Variants in ARID1B observed in about 807,000 individuals in gnomAD.
The protein encoded by ARID1B is AT-rich interactive domain-containing protein 1B.
A neutral mutation model predicts 212.3 loss-of-function variants in ARID1B; 30 were observed. The ratio of observed to expected loss-of-function variants is 0.14; its 90% CI spans 0.11 to 0.19. The LOEUF (loss-of-function observed/expected upper bound fraction) is 0.19, where lower values mean the gene tolerates loss of function less well. ARID1B is among the 10% of genes least tolerant of loss of function. The pLI, the probability that ARID1B is intolerant of heterozygous loss-of-function variation, is 1.00. For synonymous variants in ARID1B, 1,402 were observed against 1,301.7 expected, an observed-to-expected ratio of 1.08 and a Z score of -1.66; for missense variants, 2,891 against 3,204.0, an observed-to-expected ratio of 0.90 and a Z score of 2.36.
intron 7 of ARID1B, among the ~76,000 whole-genome samples, chr6:157,138,339 G>T (rs984375668): frequency 9.2e-5 from 14 of 152,188 alleles, no homozygotes; most frequent in African/African-American, 3.1e-4. Context: ...GGGCTAAAGG[G>T]ATTCTCCCAC....
At chr6:156,983,988 C>T (rs1403669359) in intron 4 of ARID1B, among the ~76,000 whole-genome samples, 4 of 152,014 alleles carry the variant, frequency 2.6e-5, no homozygotes, top group African/African-American at 4.8e-5. Flanking sequence ...CTATTGTTTC[C>T]GTTTACAAAT....
intron 4 of ARID1B, among the ~76,000 whole-genome samples, chr6:157,028,607 T>G (rs1276953105): frequency 6.6e-6 from 1 of 152,252 alleles, no homozygotes; most frequent in East Asian, 1.9e-4. Context: ...TGATAAACGC[T>G]GGAAGTATGG....
intron 3 of ARID1B, among the ~76,000 whole-genome samples, chr6:156,902,392 C>T (rs1320053862): frequency 1.3e-5 from 2 of 152,128 alleles, no homozygotes; most frequent in East Asian, 1.9e-4. Context: ...CATGTAGCAT[C>T]GACTTTTTCC....
At chr6:156,954,661 T>A (rs1793829800) in intron 4 of ARID1B, among the ~76,000 whole-genome samples, 1 of 152,192 alleles carries the variant, frequency 6.6e-6, no homozygotes, top group Admixed American at 6.5e-5. Context: ...CGAACTGTTT[T>A]TTTTGTTTGT....
intron 4 of ARID1B, among the ~76,000 whole-genome samples, chr6:156,993,852 C>T (rs1778418902): frequency 6.6e-6 from 1 of 152,116 alleles, no homozygotes; most frequent in Non-Finnish European, 1.5e-5. Context: ...TTATAAAAAT[C>T]AAATGGAAAT....
chr6:157,202,682 ATATC>A (rs1269461867), intron 18 of ARID1B, among the ~76,000 whole-genome samples: 1 of 151,430 alleles, frequency 6.6e-6, no homozygotes, highest in Non-Finnish European at 1.5e-5. Context: ...TCCTTTATAT[ATATC>A]TATCCATTTA....
intron 4 of ARID1B, among the ~76,000 whole-genome samples, chr6:156,968,890 G>A (rs1259884643): frequency 6.6e-6 from 1 of 152,256 alleles, no homozygotes; most frequent in Non-Finnish European, 1.5e-5. Context: ...CTGGCTTGAG[G>A]TTGTGTGCTA....
rs777781316 is a variant in ARID1B at position 156,778,011 on chromosome 6, G to T, written c.331G>T (p.Gly111Cys). 1 of 1,533,100 alleles carries T rather than the reference G, an allele frequency of 6.5e-7. No homozygotes were observed. The highest frequency in any genetic ancestry group is 2.5e-5 in the East Asian group (1 of 40,716). The allele number at this position is 1,533,100 out of a possible 1,614,324, so 95.0% of individuals were successfully genotyped here. A position where few individuals can be genotyped will look rare whatever the true frequency, so the allele number is the denominator to read the frequency against. The change falls in exon 1 of 20, where the codon GGT becomes TGT. Residue 111 changes from glycine to cysteine, a missense_variant. Gly to Cys is a radical substitution (Grantham distance 159). Coordinates refer to ENST00000636930, the MANE Select transcript of ARID1B (RefSeq NM_001374828.1). ...CGGCTCCGAGGCGGCTCTCAAGGAGGGTGGAAGCGCCGCCGCGCTGTCCTC... is the reference window on the plus strand; with the variant it reads ...CGGCTCCGAGGCGGCTCTCAAGGAGTGTGGAAGCGCCGCCGCGCTGTCCTC... Reference protein sequence around the residue: ...SGGSEAALKEGGSAAALSSSS... With the variant: ...SGGSEAALKECGSAAALSSSS...
intron 4 of ARID1B, among the ~76,000 whole-genome samples, chr6:157,076,265 C>T (rs889261072): frequency 6.6e-6 from 1 of 151,834 alleles, no homozygotes; most frequent in Non-Finnish European, 1.5e-5. Context: ...AGACTCCACA[C>T]AATTTGTGAG....
intron 5 of ARID1B, among the ~76,000 whole-genome samples, chr6:157,092,322 C>CT (rs1183085712): frequency 6.6e-6 from 1 of 152,228 alleles, no homozygotes; most frequent in Non-Finnish European, 1.5e-5. Flanking sequence ...GAACCTCCCA[C>CT]TTTAAGATAA....
chr6:156,979,760 A>G (rs995546561), intron 4 of ARID1B, among the ~76,000 whole-genome samples: 1 of 152,142 alleles, frequency 6.6e-6, no homozygotes, highest in Non-Finnish European at 1.5e-5. Flanking sequence ...GTTTCACCAC[A>G]TTGGCCAGGA....
chr6:156,891,742 C>CA (rs1787939662), intron 2 of ARID1B, among the ~76,000 whole-genome samples: 1 of 152,154 alleles, frequency 6.6e-6, no homozygotes, highest in Non-Finnish European at 1.5e-5. Flanking sequence ...TTTTTCCCCC[C>CA]CTCAAACCAG....
chr6:156,997,689 C>T (rs889837495), intron 4 of ARID1B, among the ~76,000 whole-genome samples: 4 of 151,012 alleles, frequency 2.6e-5, no homozygotes, highest in African/African-American at 9.8e-5. Context: ...TTATTTCCAC[C>T]ATACCATACT....
intron 15 of ARID1B, among the ~76,000 whole-genome samples, chr6:157,192,055 T>G (rs1038968176): frequency 6.6e-6 from 1 of 152,216 alleles, no homozygotes; most frequent in Non-Finnish European, 1.5e-5. Flanking sequence ...TCATCTATGA[T>G]TTTTTTCTTT....
chr6:156,909,463 C>T (rs1232634848), intron 3 of ARID1B, among the ~76,000 whole-genome samples: 1 of 152,168 alleles, frequency 6.6e-6, no homozygotes, highest in Non-Finnish European at 1.5e-5. Flanking sequence ...GTTACCACAT[C>T]TTATTAAATT....
intron 4 of ARID1B, among the ~76,000 whole-genome samples, chr6:157,065,352 G>T (rs1783606276): frequency 6.6e-6 from 1 of 152,086 alleles, no homozygotes; most frequent in Non-Finnish European, 1.5e-5. Flanking sequence ...CCATAATCGG[G>T]ATATATCATT....
chr6:156,912,291 C>A (rs966333300), intron 3 of ARID1B, among the ~76,000 whole-genome samples: 1 of 147,940 alleles, frequency 6.8e-6, no homozygotes, highest in Admixed American at 6.8e-5. Flanking sequence ...GTTTCTTATG[C>A]CCCTCCTGTC....
In ARID1B at chr6:157,137,024, T is replaced by C. The variant is rs1178757412; in HGVS notation, c.2761+3817T>C. 2.0e-5 allele frequency among the ~76,000 whole-genome samples: 3 copies of C among 151,788 alleles called. No individual in the cohort carries two copies. In the East Asian group the frequency reaches 5.8e-4, roughly 29 times the overall value. On this transcript the variant is annotated intron_variant, in intron 7 of 19. Transcript: ENST00000636930. ...AGAACCCCATCTCTACAAAAAGATA[T>C]AAAAAAATTAGCCAGTTGTGATGGC...
intron 13 of ARID1B, 83 bp from the exon 14 acceptor site, chr6:157,189,559 C>G: frequency 7.0e-7 from 1 of 1,419,516 alleles, no homozygotes; most frequent in Non-Finnish European, 9.5e-7. Flanking sequence ...TTATGTCTTT[C>G]ATCTGTATAA....
Sources: gnomAD v4.1 joint callset for allele counts (sites outside exome capture counted in the v4.1 genomes callset) on GRCh38, gnomAD v4.1.1 for gene constraint, MANE v1.5 for transcripts, NCBI Gene and HGNC (gene_info 2026-07-23, HGNC 2026-07-21) for gene names.